The following WDR64 variants were observed in gnomAD, a reference collection of about 807,000 sequenced individuals.
WDR64 encodes WD repeat domain 64, also known as WD repeat-containing protein 64.
WDR64 carries 112 observed loss-of-function variants against 139.3 expected under a neutral mutation model. That is an observed-to-expected ratio of 0.80 (90% CI 0.69 to 0.94). WDR64 has a LOEUF of 0.94. WDR64 is among the 40% of genes least tolerant of loss of function. The pLI is 0.00. For missense variants in WDR64, 1,206 were observed against 1,293.1 expected (o/e 0.93, Z 1.03); for synonymous variants, 444 against 437.7 (o/e 1.01, Z -0.18).
At chr1:241,759,550 T>G (rs1015096835) in intron 15 of WDR64, among the ~76,000 whole-genome samples, 6 of 152,204 alleles carry the variant, frequency 3.9e-5, no homozygotes, top group African/African-American at 1.4e-4. Flanking sequence ...TTCCATGCTC[T>G]TTTTAAAAAA....
chr1:241,670,835 G>A (rs1666197327), intron 2 of WDR64, among the ~76,000 whole-genome samples: 1 of 152,180 alleles, frequency 6.6e-6, no homozygotes, highest in Admixed American at 6.5e-5. Context: ...CATCCCGAAA[G>A]CATCCCCTGC....
intron 10 of WDR64, among the ~76,000 whole-genome samples, chr1:241,724,785 A>G (rs1668737251): frequency 6.6e-6 from 1 of 152,264 alleles, no homozygotes; most frequent in Non-Finnish European, 1.5e-5. Context: ...GTAAATTATA[A>G]TAACTACCAT....
rs892587189 is a variant in WDR64, at chr1:241,780,209, T to C, written c.2595+147T>C. 9 of 684,916 alleles carry C rather than the reference T, an allele frequency of 1.3e-5. No individual in the cohort carries two copies. The Admixed American group carries it at 2.3e-4, about 18-fold the overall frequency. The allele number at this position is 684,916 out of a possible 1,614,324, so 42.4% of individuals were successfully genotyped here. A position where few individuals can be genotyped will look rare whatever the true frequency, so the allele number is the denominator to read the frequency against. Reference sequence around the variant, plus strand: ...ATTGAAATTTGAGCTACATGACAAATTGCAGTGGTCTGCTGGTGAAAAGGG... The same window carrying C: ...ATTGAAATTTGAGCTACATGACAAACTGCAGTGGTCTGCTGGTGAAAAGGG... On this transcript the variant is annotated intron_variant, in intron 22 of 27. Coordinates refer to ENST00000437684, the MANE Select transcript of WDR64 (RefSeq NM_001367482.1).
intron 8 of WDR64, among the ~76,000 whole-genome samples, chr1:241,709,038 A>G (rs1467734230): frequency 6.6e-6 from 1 of 152,212 alleles, no homozygotes; most frequent in Non-Finnish European, 1.5e-5. Context: ...CATATGACCC[A>G]TGGTATCCAG....
intron 24 of WDR64, among the ~76,000 whole-genome samples, chr1:241,788,693 G>A (rs2148326242): frequency 6.6e-6 from 1 of 152,322 alleles, no homozygotes; most frequent in Middle Eastern, 3.4e-3. Flanking sequence ...AATAGGAATT[G>A]AAGCTAAAAA....
chr1:241,747,782 A>G (rs1054402393), intron 13 of WDR64, among the ~76,000 whole-genome samples: 1 of 152,212 alleles, frequency 6.6e-6, no homozygotes, highest in Non-Finnish European at 1.5e-5. Flanking sequence ...CACAGGAAGG[A>G]AAGACTTCCT....
intron 27 of WDR64, among the ~76,000 whole-genome samples, chr1:241,798,124 AAATT>A (rs1168988065): frequency 6.6e-6 from 1 of 152,200 alleles, no homozygotes; most frequent in Non-Finnish European, 1.5e-5. Flanking sequence ...AAAGAATGAT[AAATT>A]ATTTATCCAA....
In WDR64 at chr1:241,656,885, T is replaced by TGTGA. The variant is rs1665620358; in HGVS notation, c.146-3642_146-3641insAGTG. 1.5e-4 allele frequency among the ~76,000 whole-genome samples: 22 copies of TGTGA among 150,938 alleles called. No homozygotes were observed. Among genetic ancestry groups the TGTGA allele is most frequent in the Admixed American group, 1.3e-3 (19 of 15,178 alleles). Reference sequence around the variant, plus strand: ...TTGCCAAATGTTGTGTGTGTGTGTGTGTGTGTGTGTGTGTGTGTGTGTGTG... The same window carrying TGTGA: ...TTGCCAAATGTTGTGTGTGTGTGTGTGTGAGTGTGTGTGTGTGTGTGTGTGTGTG... On this transcript the variant is annotated intron_variant, in intron 1 of 27. Transcript: ENST00000437684. The surrounding 1 kb of genome is among the most constrained non-coding windows in gnomAD (Gnocchi z 4.3).
At chr1:241,787,710 T>A in intron 23 of WDR64, 139 bp from the exon 24 acceptor site, 1 of 659,956 alleles carries the variant, frequency 1.5e-6, no homozygotes, top group Non-Finnish European at 2.5e-6. Flanking sequence ...CTCCACAGTA[T>A]TTCATAGAAA....
intron 10 of WDR64, among the ~76,000 whole-genome samples, chr1:241,735,572 T>C (rs893097533): frequency 3.5e-5 from 5 of 143,850 alleles, no homozygotes; most frequent in Non-Finnish European, 6.0e-5. Flanking sequence ...TCTCGCTTTG[T>C]CATCCAGGCT....
chr1:241,725,935 G>C (rs897764831), intron 10 of WDR64, among the ~76,000 whole-genome samples: 2 of 152,052 alleles, frequency 1.3e-5, no homozygotes, highest in Non-Finnish European at 2.9e-5. Flanking sequence ...CTGCTGTCTT[G>C]ACCTACTGGG....
chr1:241,689,454 T>G (rs947516621), intron 8 of WDR64, among the ~76,000 whole-genome samples: 1 of 152,178 alleles, frequency 6.6e-6, no homozygotes, highest in Non-Finnish European at 1.5e-5. Flanking sequence ...TAGTTTTATA[T>G]AGAACAGATA....
At chr1:241,799,623 G>A (rs1417634882) in intron 27 of WDR64, among the ~76,000 whole-genome samples, 1 of 152,126 alleles carries the variant, frequency 6.6e-6, no homozygotes, top group Non-Finnish European at 1.5e-5. Flanking sequence ...GAAACACAGA[G>A]GATAAGTAAT....
chr1:241,749,518 C>G (rs772313882), intron 13 of WDR64, 29 bp from the exon 14 acceptor site: 7 of 1,587,986 alleles, frequency 4.4e-6, no homozygotes, highest in East Asian at 4.5e-5. Context: ...TCATTTTTAC[C>G]CACATAGTCT....
chr1:241,738,908 C>G (rs1312089531), intron 11 of WDR64, among the ~76,000 whole-genome samples: 1 of 152,186 alleles, frequency 6.6e-6, no homozygotes, highest in Admixed American at 6.5e-5. Context: ...ATGTATAGGG[C>G]AAATCCAGCT....
intron 22 of WDR64, among the ~76,000 whole-genome samples, chr1:241,782,490 AAAGT>A (rs1658884911): frequency 6.6e-6 from 1 of 152,208 alleles, no homozygotes; most frequent in Non-Finnish European, 1.5e-5. Flanking sequence ...GACCCAGGAC[AAAGT>A]AAGGTGTCAG....
At chr1:241,796,194 T>A in intron 26 of WDR64, 63 bp from the exon 27 acceptor site, 1 of 1,241,158 alleles carries the variant, frequency 8.1e-7, no homozygotes. Flanking sequence ...TCCCAACTCC[T>A]GAATTCATAT....
intron 21 of WDR64, among the ~76,000 whole-genome samples, chr1:241,779,428 T>G (rs1246741154): frequency 1.3e-5 from 2 of 152,188 alleles, no homozygotes; most frequent in African/African-American, 4.8e-5. Flanking sequence ...CTCTGTTTGG[T>G]GGTATATTCA....
intron 3 of WDR64, 27 bp from the exon 4 acceptor site, chr1:241,674,616 GT>G: frequency 6.9e-7 from 1 of 1,441,428 alleles, no homozygotes; most frequent in Non-Finnish European, 9.4e-7. Flanking sequence ...ACTGCTGAAA[GT>G]TGAAATGAAT....
Sources: gnomAD v4.1 joint callset for allele counts (sites outside exome capture counted in the v4.1 genomes callset) on GRCh38, gnomAD v4.1.1 for gene constraint, Gnocchi (gnomAD v3.1) non-coding constraint, MANE v1.5 for transcripts, NCBI Gene and HGNC (gene_info 2026-07-23, HGNC 2026-07-21) for gene names.